The following TRPM3 variants were observed in gnomAD, a reference collection of about 807,000 sequenced individuals.
TRPM3 encodes the protein long transient receptor potential channel 3.
TRPM3 carries 77 observed loss-of-function variants against 181.2 expected under a neutral mutation model. The observed-to-expected ratio is 0.42, with a 90% confidence interval of 0.35 to 0.51. The LOEUF (loss-of-function observed/expected upper bound fraction) is 0.51. Among genes scored for constraint, TRPM3 ranks in the 20% least tolerant of loss-of-function variants. The pLI, the probability that TRPM3 is intolerant of heterozygous loss-of-function variation, is 0.01. For missense variants in TRPM3, 1,759 were observed against 2,196.7 expected, an observed-to-expected ratio of 0.80 and a Z score of 3.98; for synonymous variants, 745 against 796.4, an observed-to-expected ratio of 0.94 and a Z score of 1.09.
intron 14 of TRPM3, among the ~76,000 whole-genome samples, chr9:70,623,400 G>A (rs1258011263): frequency 6.6e-6 from 1 of 151,596 alleles, no homozygotes; most frequent in Non-Finnish European, 1.5e-5. Flanking sequence ...CCCACTACCA[G>A]CTAGAGCAGC....
At chr9:71,079,996 C>T (rs2064011124) in intron 1 of TRPM3, among the ~76,000 whole-genome samples, 1 of 151,980 alleles carries the variant, frequency 6.6e-6, no homozygotes, top group Non-Finnish European at 1.5e-5. Context: ...CATGGAGAAA[C>T]CCCATCTCTA....
At chr9:70,966,330 T>A (rs2097185207) in intron 1 of TRPM3, among the ~76,000 whole-genome samples, 1 of 152,076 alleles carries the variant, frequency 6.6e-6, no homozygotes, top group Non-Finnish European at 1.5e-5. Flanking sequence ...TGGAAAGCAG[T>A]GTGGCAATTC....
rs71505401 is a variant in TRPM3, at chr9:70,635,462, ATTTTTTTTTT to A, written c.1582-211_1582-202del. ...TTGCAGATGAAAAGCTTTGTCAGTG[ATTTTTTTTTT>A]TTTTTTTTTTTGATACAGGGTCTTC... On this transcript the variant is annotated intron_variant, in intron 11 of 25. Transcript: ENST00000677713. Among the ~76,000 whole-genome samples, 14 of 113,130 alleles carry A rather than the reference ATTTTTTTTTT, an allele frequency of 1.2e-4. No individual in the cohort carries two copies. In the Admixed American group the frequency reaches 1.4e-3, roughly 12 times the overall value. 74.2% of individuals were successfully genotyped at this position (113,130 alleles called of 152,430 possible). A position where few individuals can be genotyped will look rare whatever the true frequency, so the allele number is the denominator to read the frequency against.
chr9:71,003,768 G>A (rs3095767), intron 1 of TRPM3, among the ~76,000 whole-genome samples: 150,711 of 151,820 alleles, frequency 0.99, 74,801 homozygotes, highest in Non-Finnish European at 1. Flanking sequence ...CACTCCCCCC[G>A]TAAAAATACA....
At chr9:71,127,364 C>T (rs1433001342) in intron 1 of TRPM3, among the ~76,000 whole-genome samples, 1 of 144,550 alleles carries the variant, frequency 6.9e-6, no homozygotes, top group African/African-American at 2.5e-5. Flanking sequence ...TGACTTCTAA[C>T]AGAGGTGGTG....
chr9:71,312,193 A>G (rs2088018765), intron 1 of TRPM3, among the ~76,000 whole-genome samples: 1 of 152,272 alleles, frequency 6.6e-6, no homozygotes, highest in Admixed American at 6.6e-5. Flanking sequence ...GTTACCCAAA[A>G]TATATTAAGA....
Position 71,223,035 on chromosome 9 carries a change from G to C in TRPM3, c.183+223618C>G, listed in dbSNP as rs544971405. Among the ~76,000 whole-genome samples, 3 of 152,234 alleles carry C rather than the reference G, an allele frequency of 2.0e-5. No individual in the cohort carries two copies. In the South Asian group the frequency reaches 6.2e-4, roughly 32 times the overall value. ...CTGGGCTCAGAGCCAGTGGACTTGG[G>C]GGCTAGGGGCTGGGGGTGGTGGGCA... is the stretch of plus-strand genomic sequence containing the variant. On this transcript the variant is annotated intron_variant, in intron 1 of 24. Transcript: ENST00000357533.
intron 6 of TRPM3, among the ~76,000 whole-genome samples, chr9:70,796,379 T>C (rs190187537): frequency 3.3e-5 from 5 of 152,342 alleles, no homozygotes; most frequent in Non-Finnish European, 7.4e-5. Context: ...TTTCAAATTA[T>C]AAAAATAATT....
chr9:71,344,107 G>T (rs1469614283), intron 1 of TRPM3, among the ~76,000 whole-genome samples: 1 of 152,094 alleles, frequency 6.6e-6, no homozygotes, highest in African/African-American at 2.4e-5. Flanking sequence ...GATAACTGAT[G>T]AATGTGGAGT....
At chr9:71,175,424 C>G (rs1035849042) in intron 1 of TRPM3, among the ~76,000 whole-genome samples, 7 of 152,140 alleles carry the variant, frequency 4.6e-5, no homozygotes, top group Non-Finnish European at 1.0e-4. Flanking sequence ...AACAAGGGAA[C>G]TGTGAGTGGG....
Position 70,549,587 on chromosome 9 carries a change from C to T in TRPM3, c.3662G>A (p.Arg1221Gln), listed in dbSNP as rs139956868. 5.6e-6 allele frequency: 9 copies of T among 1,613,578 alleles called. No homozygotes were observed. The highest frequency in any genetic ancestry group is 3.3e-5 in the Admixed American group (2 of 59,966). Residue 1221 changes from arginine (R) to glutamine (Q), a missense_variant, in exon 25 of 26, where the codon CGG (arginine) becomes CAG (glutamine). Coordinates refer to ENST00000677713, the MANE Select transcript of TRPM3 (RefSeq NM_001366145.2). ...IEEYFREKDD[R>Q]FNSSNDERIR... ...CCTCTCATCATTAGATGAGTTGAAC[C>T]GATCATCCTTTTCTCTGAAGTATTC...
At chr9:71,440,353 C>T (rs1026849998) in intron 1 of TRPM3, among the ~76,000 whole-genome samples, 3 of 152,154 alleles carry the variant, frequency 2.0e-5, no homozygotes, top group Non-Finnish European at 4.4e-5. Context: ...TTTGCACTTG[C>T]TGTCATTGTT....
At chr9:71,026,018 G>A (rs1328253588) in intron 1 of TRPM3, among the ~76,000 whole-genome samples, 4 of 152,222 alleles carry the variant, frequency 2.6e-5, no homozygotes, top group Admixed American at 2.6e-4. Context: ...AATCCCAGCA[G>A]GAGGAGACCT....
chr9:71,131,732 A>C lies in TRPM3; in HGVS notation c.184-267221T>G, dbSNP rs528102682. ...CTAAGAATTGTTTATTCAACTCTCA[A>C]AAAATTAATAAAAGGAAAAGTTCTC... On this transcript the variant is annotated intron_variant, in intron 1 of 24. Transcript: ENST00000357533. Among the ~76,000 whole-genome samples the C allele has an allele frequency of 3.3e-5, 5 of 152,304 alleles. No individual in the cohort carries two copies. The East Asian group carries it at 5.8e-4, about 18-fold the overall frequency.
At chr9:71,348,168 A>G (rs2091400089) in intron 1 of TRPM3, among the ~76,000 whole-genome samples, 1 of 152,240 alleles carries the variant, frequency 6.6e-6, no homozygotes, top group Non-Finnish European at 1.5e-5. Flanking sequence ...ACATACACAG[A>G]GACACATTTC....
intron 1 of TRPM3, among the ~76,000 whole-genome samples, chr9:71,278,726 A>G (rs1429827124): frequency 6.6e-6 from 1 of 152,182 alleles, no homozygotes; most frequent in Non-Finnish European, 1.5e-5. Context: ...TCAACCTGAC[A>G]GAAAGGAATA....
chr9:70,773,051 T>C (rs979953119), intron 7 of TRPM3, among the ~76,000 whole-genome samples: 2 of 152,178 alleles, frequency 1.3e-5, no homozygotes, highest in Admixed American at 6.5e-5. Flanking sequence ...CCTCCTGCAA[T>C]TGACTGGTCT....
chr9:71,186,207 T>C (rs912401554), intron 1 of TRPM3, among the ~76,000 whole-genome samples: 2 of 152,034 alleles, frequency 1.3e-5, no homozygotes, highest in African/African-American at 4.8e-5. Flanking sequence ...CTCATCTTAC[T>C]TAATTATATT....
chr9:70,863,056 A>G lies in TRPM3; in HGVS notation c.314T>C (p.Val105Ala). 6.2e-7 allele frequency: 1 copy of G among 1,613,618 alleles called. No homozygotes were observed. Among genetic ancestry groups the G allele is most frequent in the Non-Finnish European group, 8.5e-7 (1 of 1,179,690 alleles). The change falls in exon 3 of 26, where the codon GTG becomes GCG. Residue 105 changes from valine to alanine, a missense_variant. Val to Ala is a moderately conservative substitution (Grantham distance 64). Around this residue, in one of 8 missense-constraint regions of TRPM3, gnomAD observed 737 missense variants for 957.4 expected, o/e 0.77. Transcript: ENST00000677713. ...QHVGLTPSISVLQNEKNESRL... is the reference protein window; with the variant it reads ...QHVGLTPSISALQNEKNESRL... Reference sequence around the variant, plus strand: ...ACTTTCATTTTTCTCATTCTGAAGCACGGAGATACTGGGGGTGAGGCCAAC... The same window carrying G: ...ACTTTCATTTTTCTCATTCTGAAGCGCGGAGATACTGGGGGTGAGGCCAAC...
Sources: allele counts gnomAD v4.1 joint callset (sites outside exome capture counted in the v4.1 genomes callset), GRCh38; gene constraint gnomAD v4.1.1; regional missense constraint gnomAD v4.1.1; transcripts MANE v1.5; gene names NCBI Gene and HGNC (gene_info 2026-07-23, HGNC 2026-07-21).